CNTRL: variants seen among roughly 807,000 people sequenced by gnomAD.
The protein encoded by CNTRL is 110 kDa centrosomal protein.
CNTRL carries 233 observed loss-of-function variants against 303.7 expected under a neutral mutation model. The ratio of observed to expected loss-of-function variants is 0.77; its 90% CI spans 0.69 to 0.86. The LOEUF is 0.86. Among genes scored for constraint, CNTRL ranks in the 40% least tolerant of loss-of-function variants. The probability of loss-of-function intolerance (pLI) is 0.00; values close to 1 mark genes in which losing one functional copy is unlikely to be tolerated. For missense variants in CNTRL, 2,524 were observed against 2,650.6 expected (o/e 0.95, Z 1.05); for synonymous variants, 900 against 922.2 (o/e 0.98, Z 0.44).
At chr9:121,079,864 T>C (rs2048071752) in intron 1 of CNTRL, among the ~76,000 whole-genome samples, 1 of 152,110 alleles carries the variant, frequency 6.6e-6, no homozygotes, top group Non-Finnish European at 1.5e-5. Flanking sequence ...TTCAGGATTT[T>C]TTTTGTTTTG....
chr9:121,077,563 G>A (rs1330264642), intron 1 of CNTRL, among the ~76,000 whole-genome samples: 1 of 152,166 alleles, frequency 6.6e-6, no homozygotes, highest in Admixed American at 6.6e-5. Flanking sequence ...GTCTATGAAT[G>A]AGTAAGCCTG....
At chr9:121,146,664 G>C (rs2134115263) in intron 23 of CNTRL, among the ~76,000 whole-genome samples, 1 of 152,356 alleles carries the variant, frequency 6.6e-6, no homozygotes, top group Admixed American at 6.5e-5. Flanking sequence ...GCATCACAAT[G>C]AATGGTAAAG....
Position 121,157,595 on chromosome 9 carries a change from G to A in CNTRL, c.4491G>A (p.Gln1497=), listed in dbSNP as rs911239797. 59 of 1,613,724 alleles carry A rather than the reference G, an allele frequency of 3.7e-5. No homozygotes were observed. Among genetic ancestry groups the A allele is most frequent in the Non-Finnish European group, 4.5e-5 (53 of 1,179,932 alleles). Residue 1497 remains glutamine, a synonymous_variant, in exon 28 of 44, where the codon CAG becomes CAA. Coordinates refer to ENST00000373855, the MANE Select transcript of CNTRL (RefSeq NM_007018.6). ...TTAACCTCGTCAAAGCTGATCAGCAGCTAAGGTAGGTGGATTCCCTAAGCC... is the reference window on the plus strand; with the variant it reads ...TTAACCTCGTCAAAGCTGATCAGCAACTAAGGTAGGTGGATTCCCTAAGCC... ...TAVNLVKADQ[Q]LRSLQADAKD...
At chr9:121,124,334 G>C (rs898019268) in intron 13 of CNTRL, among the ~76,000 whole-genome samples, 3 of 152,176 alleles carry the variant, frequency 2.0e-5, no homozygotes, top group African/African-American at 7.2e-5. Flanking sequence ...AAGTCAATAC[G>C]TGATCATGAT....
intron 7 of CNTRL, among the ~76,000 whole-genome samples, chr9:121,101,657 G>T (rs2049174332): frequency 6.6e-6 from 1 of 151,960 alleles, no homozygotes. Context: ...CCCCTAGCAA[G>T]ACTAACAAAG....
chr9:121,118,444 G>C lies in CNTRL; in HGVS notation c.1554G>C (p.Gln518His), dbSNP rs1466924144. The C allele has an allele frequency of 1.2e-6, 2 of 1,613,554 alleles. No homozygotes were observed. Among genetic ancestry groups the C allele is most frequent in the South Asian group, 2.2e-5 (2 of 91,014 alleles). Reference protein sequence around the residue: ...LRQEALDLELQMEKQKQEIAG... With the variant: ...LRQEALDLELHMEKQKQEIAG... ...AGGAAGCTCTGGATCTAGAACTGCA[G>C]ATGGAAAAGCAAAAGCAGGAAATTG... The change falls in exon 12 of 44, where the codon CAG (glutamine) becomes CAC (histidine). Residue 518 changes from glutamine (Q) to histidine (H), a missense_variant. By Grantham distance (24) the Gln-to-His change is conservative. Coordinates refer to ENST00000373855, the MANE Select transcript of CNTRL (RefSeq NM_007018.6).
rs755881211 is a variant in CNTRL, at chr9:121,171,317, G to T, written c.6277-91G>T. On this transcript the variant is annotated intron_variant, in intron 39 of 43. Transcript: ENST00000373855. ...CTAGAGAAGCTGAGGCCCAGAAGGG[G>T]AATGAAGTTATAGAGCTAGTGAGTG... The T allele has an allele frequency of 4.3e-6, 6 of 1,402,190 alleles. No homozygotes were observed. In the South Asian group the frequency reaches 5.9e-5, roughly 14 times the overall value. The allele number at this position is 1,402,190 out of a possible 1,614,324, so 86.9% of individuals were successfully genotyped here.
chr9:121,083,584 T>C (rs1180246834), intron 2 of CNTRL, among the ~76,000 whole-genome samples: 2 of 152,180 alleles, frequency 1.3e-5, no homozygotes. Context: ...CCTACCTGCC[T>C]GAGTCTGTTT....
At chr9:121,124,842 A>G (rs1198851755) in intron 13 of CNTRL, among the ~76,000 whole-genome samples, 2 of 149,654 alleles carry the variant, frequency 1.3e-5, no homozygotes, top group South Asian at 4.2e-4. Flanking sequence ...TGCTTGGGAG[A>G]CTGAGGGTGG....
chr9:121,082,986 A>G (rs1172160813), intron 2 of CNTRL, among the ~76,000 whole-genome samples: 5 of 151,030 alleles, frequency 3.3e-5, no homozygotes, highest in African/African-American at 1.2e-4. Flanking sequence ...AAAAAAAAAA[A>G]TAGAAAAAGT....
intron 42 of CNTRL, among the ~76,000 whole-genome samples, chr9:121,174,561 A>C (rs2053445363): frequency 1.3e-5 from 2 of 152,202 alleles, no homozygotes; most frequent in Admixed American, 1.3e-4. Flanking sequence ...GAATAATTTG[A>C]TTATAGCAGG....
In CNTRL at chr9:121,125,427, G is replaced by A. The variant is rs577246086; in HGVS notation, c.1805-289G>A. 8.5e-4 allele frequency among the ~76,000 whole-genome samples: 129 copies of A among 152,168 alleles called. 1 individual carries two copies. Among genetic ancestry groups the A allele is most frequent in the Non-Finnish European group, 1.2e-3 (83 of 67,996 alleles). On this transcript the variant is annotated intron_variant, in intron 13 of 43. Coordinates refer to ENST00000373855, the MANE Select transcript of CNTRL (RefSeq NM_007018.6). ...GCCTGCCTTGGCCTCCCAAAGTGCT[G>A]GGATTACAGGCTTGAACCACCACAC...
Position 121,140,769 on chromosome 9 carries a change from A to G in CNTRL, c.2466A>G (p.Leu822=). 1 of 1,612,326 alleles carries G rather than the reference A, an allele frequency of 6.2e-7. No individual in the cohort carries two copies. The highest frequency in any genetic ancestry group is 8.5e-7 in the Non-Finnish European group (1 of 1,178,750). Residue 822 remains leucine, a synonymous_variant, in exon 17 of 44, where the codon TTA becomes TTG. Coordinates refer to ENST00000373855, the MANE Select transcript of CNTRL (RefSeq NM_007018.6). ...ATGAGCTAAGAAGAAAACTGAAATT[A>G]GGAACTGGGGAAATGAAGTAAGGAA... is the stretch of plus-strand genomic sequence containing the variant. ...RVDELRRKLK[L]GTGEMNIHSP... is the part of the protein sequence containing the mutation.
At chr9:121,091,569 G>A (rs964478929) in intron 4 of CNTRL, among the ~76,000 whole-genome samples, 24 of 152,280 alleles carry the variant, frequency 1.6e-4, no homozygotes, top group Admixed American at 2.0e-4. Context: ...GCAGCCGGGC[G>A]CAGTGGCTCA....
intron 7 of CNTRL, among the ~76,000 whole-genome samples, chr9:121,099,089 G>A (rs1479162251): frequency 6.6e-6 from 1 of 152,218 alleles, no homozygotes; most frequent in Non-Finnish European, 1.5e-5. Flanking sequence ...CACGGAGTTT[G>A]AGATCTGAGA....
intron 25 of CNTRL, 61 bp from the exon 26 acceptor site, chr9:121,152,424 G>C: frequency 7.3e-7 from 1 of 1,377,868 alleles, no homozygotes; most frequent in Non-Finnish European, 1.0e-6. Context: ...GCTTTTGGCA[G>C]GAAAGAGAGG....
chr9:121,158,085 C>G lies in CNTRL; in HGVS notation c.4740C>G (p.Ala1580=), dbSNP rs763570042. ...ESEVLLQAKR[A]ELEKLKSQVT... Reference sequence around the variant, plus strand: ...AGGTGCTTCTTCAGGCCAAAAGAGCCGAGCTGGAAAAGCTGAAAAGCCAGG... The same window carrying G: ...AGGTGCTTCTTCAGGCCAAAAGAGCGGAGCTGGAAAAGCTGAAAAGCCAGG... Residue 1580 remains alanine, a synonymous_variant, in exon 30 of 44, where the codon GCC becomes GCG. Coordinates refer to ENST00000373855, the MANE Select transcript of CNTRL (RefSeq NM_007018.6). 4 of 1,613,912 alleles carry G rather than the reference C, an allele frequency of 2.5e-6. No individual in the cohort carries two copies. Among genetic ancestry groups the G allele is most frequent in the African/African-American group, 2.7e-5 (2 of 74,870 alleles).
intron 20 of CNTRL, 95 bp from the exon 21 acceptor site, chr9:121,144,748 A>G (rs2051735333): frequency 6.3e-6 from 6 of 951,612 alleles, no homozygotes; most frequent in Non-Finnish European, 1.0e-5. Flanking sequence ...CTGGTAGGCA[A>G]TGTGATGAAA....
intron 35 of CNTRL, among the ~76,000 whole-genome samples, chr9:121,165,811 T>A (rs1437772119): frequency 6.6e-6 from 1 of 152,226 alleles, no homozygotes; most frequent in Admixed American, 6.5e-5. Flanking sequence ...GTTAAGTTTC[T>A]ATTTCTACCA....
Sources: gnomAD v4.1 joint callset for allele counts (sites outside exome capture counted in the v4.1 genomes callset) on GRCh38, gnomAD v4.1.1 for gene constraint, MANE v1.5 for transcripts, NCBI Gene and HGNC (gene_info 2026-07-23, HGNC 2026-07-21) for gene names.